Variants in VCL observed in about 807,000 individuals in gnomAD.
VCL encodes vinculin.
Under a neutral mutation model 125.7 loss-of-function variants are expected in VCL, and 47 were observed. The observed-to-expected ratio is 0.37, with a 90% CI of 0.30 to 0.48. The LOEUF is 0.48. Among genes scored for constraint, VCL ranks in the 20% least tolerant of loss-of-function variants. The pLI is 0.99. For synonymous variants in VCL, 458 were observed against 514.6 expected (o/e 0.89, Z 1.49); for missense variants, 1,069 against 1,455.5 (o/e 0.73, Z 4.32).
rs139054972 is a variant in VCL at position 74,051,368 on chromosome 10, C to T, written c.239+8215C>T. Among the ~76,000 whole-genome samples the T allele has an allele frequency of 2.0e-3, 298 of 152,246 alleles. 4 individuals carry two copies. Among genetic ancestry groups the T allele is most frequent in the East Asian group, 3.5e-3 (18 of 5,182 alleles). On this transcript the variant is annotated intron_variant, in intron 2 of 21. Coordinates refer to ENST00000211998, the MANE Select transcript of VCL (RefSeq NM_014000.3). The stretch of plus-strand genomic sequence containing the variant: ...TCTCCCGCCTCAGCTTCCCGAGTAG[C>T]TGGGACTACAGGCACGCACCACCAC...
intron 19 of VCL, among the ~76,000 whole-genome samples, chr10:74,112,627 T>C (rs1434488146): frequency 6.6e-6 from 1 of 151,914 alleles, no homozygotes; most frequent in Non-Finnish European, 1.5e-5. Context: ...CTGGCCTTGA[T>C]GGGAGTCCAC....
chr10:74,109,696 T>C (rs374094581), intron 18 of VCL, among the ~76,000 whole-genome samples: 25 of 152,092 alleles, frequency 1.6e-4, no homozygotes, highest in African/African-American at 5.8e-4. Flanking sequence ...ACTCAGCAAA[T>C]CTGAAGGTGT....
At chr10:74,001,396 C>T (rs1415101167) in intron 1 of VCL, among the ~76,000 whole-genome samples, 1 of 152,132 alleles carries the variant, frequency 6.6e-6, no homozygotes, top group Non-Finnish European at 1.5e-5. Flanking sequence ...AATCCCTGGG[C>T]TCAAGCAATC....
At chr10:74,063,196 C>A (rs1591681685) in intron 2 of VCL, among the ~76,000 whole-genome samples, 1 of 152,296 alleles carries the variant, frequency 6.6e-6, no homozygotes, top group African/African-American at 2.4e-5. Flanking sequence ...TGACACCAGG[C>A]CCGAGGTTGG....
At chr10:74,116,935 C>T (rs1349468505) in intron 21 of VCL, among the ~76,000 whole-genome samples, 1 of 152,092 alleles carries the variant, frequency 6.6e-6, no homozygotes, top group Non-Finnish European at 1.5e-5. Flanking sequence ...GGGGAGAATT[C>T]ACCGCCTTCA....
chr10:74,025,119 C>T (rs1042929139), intron 1 of VCL, among the ~76,000 whole-genome samples: 5 of 152,084 alleles, frequency 3.3e-5, no homozygotes, highest in Admixed American at 2.6e-4. Context: ...TGGGTTCAAG[C>T]GATTCTCCTG....
chr10:74,070,769 G>C lies in VCL; in HGVS notation c.339G>C (p.Arg113Ser). The C allele has an allele frequency of 6.2e-7, 1 of 1,613,976 alleles. No homozygotes were observed. Among genetic ancestry groups the C allele is most frequent in the Non-Finnish European group, 8.5e-7 (1 of 1,179,992 alleles). ...PARDYLIDGS[R>S]GILSGTSDLL... Reference sequence around the variant, plus strand: ...GAGATTATCTAATTGATGGGTCAAGGGGCATCCTCTCTGGAACATCAGACC... The same window carrying C: ...GAGATTATCTAATTGATGGGTCAAGCGGCATCCTCTCTGGAACATCAGACC... Residue 113 changes from arginine to serine, a missense_variant, in exon 3 of 22, where the codon AGG (arginine) becomes AGC (serine). By Grantham distance (110) the Arg-to-Ser change is moderately radical. Coordinates refer to ENST00000211998, the MANE Select transcript of VCL (RefSeq NM_014000.3).
At chr10:74,103,033 GT>G (rs1840083909) in intron 14 of VCL, among the ~76,000 whole-genome samples, 1 of 151,960 alleles carries the variant, frequency 6.6e-6, no homozygotes, top group African/African-American at 2.4e-5. Context: ...TACCCGGCTA[GT>G]TTTTTGTATT....
chr10:74,095,945 A>G lies in VCL; in HGVS notation c.1743+90A>G, dbSNP rs1839961878. On this transcript the variant is annotated intron_variant, in intron 12 of 21. Transcript: ENST00000211998. ...GAAGAGAGAGTTTTGAAAAATACAT[A>G]ATTTCTGGGGTCTAGGGAAAATGAA... 3.4e-6 allele frequency: 5 copies of G among 1,457,624 alleles called. No homozygotes were observed. In the South Asian group the frequency reaches 4.7e-5, roughly 14 times the overall value. 90.3% of individuals were successfully genotyped at this position (1,457,624 alleles called of 1,614,324 possible). A position where few individuals can be genotyped will look rare whatever the true frequency, so the allele number is the denominator to read the frequency against.
chr10:74,098,641 C>A (rs1030533976), intron 13 of VCL, among the ~76,000 whole-genome samples: 1 of 152,120 alleles, frequency 6.6e-6, no homozygotes, highest in African/African-American at 2.4e-5. Flanking sequence ...GGTTTTCCAG[C>A]CTTTATAGTA....
chr10:74,047,299 A>G (rs1841210599), intron 2 of VCL, among the ~76,000 whole-genome samples: 1 of 152,218 alleles, frequency 6.6e-6, no homozygotes, highest in Admixed American at 6.5e-5. Flanking sequence ...CCTGTGTAAA[A>G]CAAAACAAAA....
At chr10:74,005,869 GTT>G (rs983721148) in intron 1 of VCL, among the ~76,000 whole-genome samples, 2 of 151,496 alleles carry the variant, frequency 1.3e-5, no homozygotes, top group African/African-American at 2.4e-5. Flanking sequence ...TTGTTGTATT[GTT>G]TTTTATTTTT....
chr10:74,015,635 C>A (rs1840524038), intron 1 of VCL, among the ~76,000 whole-genome samples: 1 of 151,932 alleles, frequency 6.6e-6, no homozygotes, highest in African/African-American at 2.4e-5. Context: ...GCCATTTAAT[C>A]CATTCACTGC....
chr10:74,090,786 C>CT (rs905997933), intron 10 of VCL, among the ~76,000 whole-genome samples: 79 of 146,568 alleles, frequency 5.4e-4, no homozygotes, highest in South Asian at 2.2e-3. Flanking sequence ...GGTATTTCCT[C>CT]TTTTTTTTTT....
chr10:74,040,365 A>G, intron 1 of VCL, among the ~76,000 whole-genome samples: 1 of 152,176 alleles, frequency 6.6e-6, no homozygotes, highest in East Asian at 1.9e-4. Flanking sequence ...ACTATTTTCT[A>G]AAGGAAATAT....
In VCL at chr10:74,107,194, C is replaced by A. The variant is rs201641378; in HGVS notation, c.2435-36C>A. 8.8e-4 allele frequency: 1,419 copies of A among 1,613,980 alleles called. 5 individuals carry two copies. The highest frequency in any genetic ancestry group is 4.2e-3 in the Middle Eastern group (25 of 6,006). On this transcript the variant is annotated intron_variant, in intron 16 of 21. Transcript: ENST00000211998. ...CACAGACAGTGCTTTGGGGCACTGA[C>A]CCACCCAGCTGAAAGTGAGGATGTC...
At chr10:74,012,349 T>TA (rs1390512298) in intron 1 of VCL, among the ~76,000 whole-genome samples, 10 of 152,218 alleles carry the variant, frequency 6.6e-5, no homozygotes, top group African/African-American at 2.2e-4. Context: ...ATAGTAAAGT[T>TA]ACTTGTCAAA....
In VCL at chr10:74,071,109, A is replaced by G. The variant is rs887571725; in HGVS notation, c.499+26A>G. The G allele has an allele frequency of 1.2e-6, 2 of 1,607,186 alleles. No homozygotes were observed. The highest frequency in any genetic ancestry group is 1.7e-6 in the Non-Finnish European group (2 of 1,173,834). On this transcript the variant is annotated intron_variant, in intron 4 of 21. Transcript: ENST00000211998. The surrounding 1 kb of genome is among the most constrained non-coding windows in gnomAD (Gnocchi z 4.1). ...GTTAGTTTTATCCAATTTCTATAAC[A>G]TTTTTTAAGGATTGTCCATGTTGGA...
At chr10:74,048,530 A>C in intron 2 of VCL, among the ~76,000 whole-genome samples, 1 of 151,844 alleles carries the variant, frequency 6.6e-6, no homozygotes, top group East Asian at 1.9e-4. Flanking sequence ...GGAGTCAGCT[A>C]CTGTACTCCA....
Sources: allele counts gnomAD v4.1 joint callset (sites outside exome capture counted in the v4.1 genomes callset), GRCh38; gene constraint gnomAD v4.1.1; non-coding constraint Gnocchi (gnomAD v3.1); transcripts MANE v1.5; gene names NCBI Gene and HGNC (gene_info 2026-07-23, HGNC 2026-07-21).